CNTN5: variants seen among roughly 807,000 people sequenced by gnomAD.
The protein encoded by CNTN5 is contactin-5.
A neutral mutation model predicts 129.1 loss-of-function variants in CNTN5; 77 were observed. The ratio of observed to expected loss-of-function variants is 0.60; its 90% CI spans 0.50 to 0.72. The LOEUF (loss-of-function observed/expected upper bound fraction) is 0.72. Among genes scored for constraint, CNTN5 ranks in the 30% least tolerant of loss-of-function variants. The pLI is 0.00. For missense variants in CNTN5, 1,478 were observed against 1,328.8 expected, an observed-to-expected ratio of 1.11 and a Z score of -1.75; for synonymous variants, 509 against 465.6, an observed-to-expected ratio of 1.09 and a Z score of -1.20.
chr11:100,037,616 T>C (rs1484197053), intron 9 of CNTN5, among the ~76,000 whole-genome samples: 1 of 152,220 alleles, frequency 6.6e-6, no homozygotes. Flanking sequence ...TTTTGCTTGG[T>C]AAACTATTGA....
intron 16 of CNTN5, among the ~76,000 whole-genome samples, chr11:100,232,756 AAC>A (rs1295716122): frequency 6.6e-6 from 1 of 152,134 alleles, no homozygotes; most frequent in Non-Finnish European, 1.5e-5. Flanking sequence ...TTTAGGGAAA[AAC>A]ACATCTTTTT....
chr11:100,326,945 G>A (rs182365481), intron 21 of CNTN5, among the ~76,000 whole-genome samples: 88 of 152,320 alleles, frequency 5.8e-4, no homozygotes, highest in Admixed American at 1.4e-3. Flanking sequence ...GGCCCATTTT[G>A]CTAGAAGGCA....
chr11:100,203,417 T>C (rs1272569629), intron 15 of CNTN5, among the ~76,000 whole-genome samples: 1 of 152,096 alleles, frequency 6.6e-6, no homozygotes, highest in African/African-American at 2.4e-5. Context: ...AAGGTCTCAA[T>C]CATTCTTCTG....
At chr11:99,789,939 C>T (rs922766418) in intron 3 of CNTN5, among the ~76,000 whole-genome samples, 3 of 151,968 alleles carry the variant, frequency 2.0e-5, no homozygotes, top group East Asian at 3.9e-4. Flanking sequence ...TGCTTCTCTC[C>T]TTTAGTAATC....
chr11:100,206,667 C>T (rs1314838163), intron 15 of CNTN5, among the ~76,000 whole-genome samples: 2 of 151,694 alleles, frequency 1.3e-5, no homozygotes, highest in Non-Finnish European at 2.9e-5. Context: ...GATTTTTTTT[C>T]GTGAGGCTGC....
At chr11:99,881,655 G>T (rs570777545) in intron 6 of CNTN5, among the ~76,000 whole-genome samples, 2 of 148,508 alleles carry the variant, frequency 1.3e-5, no homozygotes, top group Admixed American at 6.6e-5. Flanking sequence ...ATAAAATAAA[G>T]GGGGGGAGCT....
chr11:99,189,975 AT>A (rs1858551830), intron 1 of CNTN5, among the ~76,000 whole-genome samples: 1 of 151,546 alleles, frequency 6.6e-6, no homozygotes, highest in South Asian at 2.1e-4. Context: ...CCAAAAAAAT[AT>A]TGTCTAGACC....
intron 13 of CNTN5, among the ~76,000 whole-genome samples, chr11:100,089,768 C>G (rs564650923): frequency 1.1e-4 from 17 of 152,218 alleles, no homozygotes; most frequent in African/African-American, 3.9e-4. Context: ...AGCTGGAAGC[C>G]ATTATCCTCA....
intron 9 of CNTN5, among the ~76,000 whole-genome samples, chr11:100,029,773 AT>A (rs1179099416): frequency 6.6e-6 from 1 of 152,156 alleles, no homozygotes; most frequent in African/African-American, 2.4e-5. Context: ...AAGTTAAAAA[AT>A]CTTTTAATAA....
At chr11:100,075,407 A>G (rs769565122) in intron 13 of CNTN5, among the ~76,000 whole-genome samples, 6 of 152,182 alleles carry the variant, frequency 3.9e-5, no homozygotes, top group Non-Finnish European at 8.8e-5. Flanking sequence ...CTGTCATTCA[A>G]AACAAAAGAC....
At chr11:99,938,952 A>T (rs1591450617) in intron 7 of CNTN5, among the ~76,000 whole-genome samples, 1 of 152,062 alleles carries the variant, frequency 6.6e-6, no homozygotes, top group East Asian at 1.9e-4. Context: ...GTATGATTTG[A>T]CTCATTCTAA....
intron 3 of CNTN5, among the ~76,000 whole-genome samples, chr11:99,562,143 C>T (rs1948863297): frequency 6.6e-6 from 1 of 152,146 alleles, no homozygotes; most frequent in Non-Finnish European, 1.5e-5. Flanking sequence ...TTACTAGAGA[C>T]TCATAATCAA....
In CNTN5 at chr11:99,788,025, T is replaced by G. The variant is rs532224917; in HGVS notation, c.56-31519T>G. ...TACTAAAATCCTAACATGACTTGAT[T>G]AAACTTTCTTTGTGTTCTTGGCACC... is the stretch of plus-strand genomic sequence containing the variant. On this transcript the variant is annotated intron_variant, in intron 3 of 24. Transcript: ENST00000524871. 2.0e-5 allele frequency among the ~76,000 whole-genome samples: 3 copies of G among 152,096 alleles called. No individual in the cohort carries two copies. In the South Asian group the frequency reaches 6.2e-4, roughly 32 times the overall value.
chr11:100,019,837 C>T (rs748610080), intron 9 of CNTN5, among the ~76,000 whole-genome samples: 3 of 151,960 alleles, frequency 2.0e-5, no homozygotes, highest in Non-Finnish European at 4.4e-5. Flanking sequence ...TCTCCACGTC[C>T]TCGCCAATAC....
intron 10 of CNTN5, among the ~76,000 whole-genome samples, chr11:100,064,481 C>A (rs1427319113): frequency 1.3e-5 from 2 of 151,812 alleles, no homozygotes; most frequent in Admixed American, 6.6e-5. Context: ...ACTTACATGT[C>A]TAATATAACA....
In CNTN5 at chr11:99,579,464, A is replaced by G. The variant is rs371287708; in HGVS notation, c.55+23195A>G. Among the ~76,000 whole-genome samples the G allele has an allele frequency of 4.1e-3, 617 of 151,302 alleles. 24 individuals carry two copies. The East Asian group carries it at 0.098, about 24-fold the overall frequency. On this transcript the variant is annotated intron_variant, in intron 3 of 24. Transcript: ENST00000524871. ...ATATTGATTCTTCCTACCCATGAGCATGGAATGTTCTTCCATTGGTTTGTA... is the reference window on the plus strand; with the variant it reads ...ATATTGATTCTTCCTACCCATGAGCGTGGAATGTTCTTCCATTGGTTTGTA...
chr11:99,503,393 A>T (rs1946497869), intron 2 of CNTN5, among the ~76,000 whole-genome samples: 1 of 152,182 alleles, frequency 6.6e-6, no homozygotes, highest in Non-Finnish European at 1.5e-5. Flanking sequence ...GTAAAAGGGG[A>T]TCATATTCTC....
intron 1 of CNTN5, among the ~76,000 whole-genome samples, chr11:99,258,055 C>T (rs1282016769): frequency 6.6e-6 from 1 of 152,050 alleles, no homozygotes; most frequent in Non-Finnish European, 1.5e-5. Flanking sequence ...ACACCTAAAA[C>T]TGAAATTCTC....
At chr11:99,066,902 T>C (rs571594881) in intron 1 of CNTN5, among the ~76,000 whole-genome samples, 19 of 152,298 alleles carry the variant, frequency 1.2e-4, no homozygotes, top group African/African-American at 4.6e-4. Flanking sequence ...GGCTTCTCAC[T>C]GGCCCCACTA....
Sources: gnomAD v4.1 joint callset for allele counts (sites outside exome capture counted in the v4.1 genomes callset) on GRCh38, gnomAD v4.1.1 for gene constraint, MANE v1.5 for transcripts, NCBI Gene and HGNC (gene_info 2026-07-23, HGNC 2026-07-21) for gene names.